The following THSD7B variants were observed in gnomAD, a reference collection of about 807,000 sequenced individuals.
THSD7B encodes the protein thrombospondin type 1 domain containing 7B, also known as thrombospondin type-1 domain-containing protein 7B.
THSD7B carries 138 observed loss-of-function variants against 213.6 expected under a neutral mutation model. That is an observed-to-expected ratio of 0.65 (90% CI 0.56 to 0.74). THSD7B has a LOEUF of 0.74. Ranked by LOEUF, THSD7B falls within the 30% of genes least tolerant of loss-of-function variation. THSD7B has a pLI of 0.00. For synonymous variants in THSD7B, 742 were observed against 687.0 expected (o/e 1.08, Z -1.25); for missense variants, 1,931 against 1,991.5 (o/e 0.97, Z 0.58).
At chr2:137,650,433 T>A (rs760354148) in intron 21 of THSD7B, among the ~76,000 whole-genome samples, 4 of 152,248 alleles carry the variant, frequency 2.6e-5, no homozygotes, top group Non-Finnish European at 4.4e-5. Flanking sequence ...GTTGATTTTA[T>A]GTCTTGCAAC....
At chr2:137,556,152 G>T (rs145120977) in intron 15 of THSD7B, among the ~76,000 whole-genome samples, 11,060 of 152,228 alleles carry the variant, frequency 0.073, 444 homozygotes, top group African/African-American at 0.086. Context: ...CCCCAACCTA[G>T]CAAGACAGGC....
intron 14 of THSD7B, among the ~76,000 whole-genome samples, chr2:137,412,930 C>G (rs1366515073): frequency 2.0e-5 from 3 of 148,202 alleles, no homozygotes; most frequent in Admixed American, 1.4e-4. Context: ...AAAGAATAAA[C>G]AAGTCTAGAA....
chr2:136,767,213 A>G (rs962019792), intron 1 of THSD7B, among the ~76,000 whole-genome samples: 6 of 152,162 alleles, frequency 3.9e-5, no homozygotes, highest in South Asian at 2.1e-4. Context: ...TTAGGGTGTT[A>G]CTAACCAAAT....
chr2:137,254,406 T>A (rs1682257345), intron 10 of THSD7B, among the ~76,000 whole-genome samples: 1 of 152,218 alleles, frequency 6.6e-6, no homozygotes, highest in African/African-American at 2.4e-5. Flanking sequence ...TGCAAGTGTG[T>A]TAATTTCTAA....
At chr2:137,592,454 T>G (rs568115542) in intron 17 of THSD7B, among the ~76,000 whole-genome samples, 2 of 150,458 alleles carry the variant, frequency 1.3e-5, no homozygotes, top group South Asian at 4.1e-4. Context: ...TTCTGTATTT[T>G]AGCTATGGAA....
rs558603599 is a variant in THSD7B, at chr2:137,231,989, G to A, written c.1915+754G>A. On this transcript the variant is annotated intron_variant, in intron 8 of 27. Coordinates refer to ENST00000409968, the MANE Select transcript of THSD7B (RefSeq NM_001316349.2). ...CTGTTCTTTGATCCTGCGAAATGGG[G>A]CCAGGGTCAAGATAAATGAAGATTT... 2.6e-5 allele frequency among the ~76,000 whole-genome samples: 4 copies of A among 152,216 alleles called. No homozygotes were observed. The East Asian group carries it at 7.7e-4, about 29-fold the overall frequency.
At chr2:137,088,042 C>A (rs1193984616) in intron 3 of THSD7B, among the ~76,000 whole-genome samples, 1 of 151,902 alleles carries the variant, frequency 6.6e-6, no homozygotes, top group Admixed American at 6.6e-5. Flanking sequence ...GAGTTCGATA[C>A]CAGCCTGGGC....
chr2:136,860,554 T>C (rs191508734), intron 1 of THSD7B, among the ~76,000 whole-genome samples: 166 of 152,336 alleles, frequency 1.1e-3, no homozygotes, highest in African/African-American at 3.7e-3. Flanking sequence ...TTTCAATTGC[T>C]TGTGTCTAAC....
chr2:137,191,916 C>A (rs1042904237), intron 7 of THSD7B, among the ~76,000 whole-genome samples: 5 of 152,218 alleles, frequency 3.3e-5, no homozygotes, highest in African/African-American at 9.6e-5. Context: ...AAAGCCACCT[C>A]GATTTCTTTA....
chr2:137,099,383 T>G (rs1055994893), intron 4 of THSD7B, among the ~76,000 whole-genome samples: 4 of 152,148 alleles, frequency 2.6e-5, no homozygotes, highest in African/African-American at 7.2e-5. Context: ...CAGTACTGTT[T>G]AGTAGATGGG....
chr2:137,316,713 G>T (rs1684115237), intron 12 of THSD7B, among the ~76,000 whole-genome samples: 1 of 149,366 alleles, frequency 6.7e-6, no homozygotes, highest in Non-Finnish European at 1.5e-5. Context: ...AGCCGAGATG[G>T]TGCCACTGCA....
chr2:136,844,462 C>CAGAGAGAGAG (rs56716402), intron 1 of THSD7B, among the ~76,000 whole-genome samples: 3,643 of 142,510 alleles, frequency 0.026, 65 homozygotes, highest in African/African-American at 0.032. Context: ...CCACCCAAAA[C>CAGAGAGAGAG]AGAGAGAGAG....
intron 17 of THSD7B, among the ~76,000 whole-genome samples, chr2:137,602,251 GT>G (rs989367821): frequency 6.6e-6 from 1 of 151,886 alleles, no homozygotes; most frequent in African/African-American, 2.4e-5. Context: ...TTTCTTTCTC[GT>G]TTTTTTGTTT....
At chr2:136,895,052 A>T (rs931673657) in intron 2 of THSD7B, among the ~76,000 whole-genome samples, 14 of 152,232 alleles carry the variant, frequency 9.2e-5, no homozygotes, top group African/African-American at 3.4e-4. Context: ...AGATGGGTCC[A>T]TATGATTGAC....
chr2:137,141,287 G>A (rs2104964222), intron 5 of THSD7B, among the ~76,000 whole-genome samples: 1 of 152,134 alleles, frequency 6.6e-6, no homozygotes, highest in Non-Finnish European at 1.5e-5. Flanking sequence ...CCAGCTACAA[G>A]CTTGAGAGCA....
chr2:136,964,306 T>G (rs1043938977), intron 2 of THSD7B, among the ~76,000 whole-genome samples: 7 of 152,024 alleles, frequency 4.6e-5, no homozygotes, highest in Non-Finnish European at 1.0e-4. Flanking sequence ...CATGGTGAAG[T>G]CTTAGCTACT....
chr2:136,804,403 AACACAC>A (rs3030361), intron 1 of THSD7B, among the ~76,000 whole-genome samples: 7,167 of 148,124 alleles, frequency 0.048, 289 homozygotes, highest in African/African-American at 0.11. Context: ...ACACACACAT[AACACAC>A]ACACACACAC....
intron 1 of THSD7B, among the ~76,000 whole-genome samples, chr2:136,812,598 T>A (rs1157890126): frequency 6.6e-6 from 1 of 152,174 alleles, no homozygotes; most frequent in Non-Finnish European, 1.5e-5. Flanking sequence ...ATATACAATG[T>A]CCTATTTACT....
rs34409932 is a variant in THSD7B at position 136,940,863 on chromosome 2, G to GTT, written c.139+58559_139+58560dup. The stretch of plus-strand genomic sequence containing the variant: ...AGAAAATTTTCTTCCATTCTTAGTT[G>GTT]TTTTTTTTTTTTTTAAAGTTCTAGG... On this transcript the variant is annotated intron_variant, in intron 2 of 27. Coordinates refer to ENST00000409968, the MANE Select transcript of THSD7B (RefSeq NM_001316349.2). 7.1e-3 allele frequency among the ~76,000 whole-genome samples: 939 copies of GTT among 132,098 alleles called. 10 individuals carry two copies. The highest frequency in any genetic ancestry group is 0.024 in the African/African-American group (892 of 36,606). 86.7% of individuals were successfully genotyped at this position (132,098 alleles called of 152,430 possible).
Sources: gnomAD v4.1 joint callset for allele counts (sites outside exome capture counted in the v4.1 genomes callset) on GRCh38, gnomAD v4.1.1 for gene constraint, MANE v1.5 for transcripts, NCBI Gene and HGNC (gene_info 2026-07-23, HGNC 2026-07-21) for gene names.